TNS2: variants seen among roughly 807,000 people sequenced by gnomAD.
TNS2 encodes tensin-2.
TNS2 carries 77 observed loss-of-function variants against 155.7 expected under a neutral mutation model. That is an observed-to-expected ratio of 0.49 (90% confidence interval 0.41 to 0.60). The LOEUF is 0.60. TNS2 is among the 20% of genes least tolerant of loss of function. The pLI is 0.00. For synonymous variants in TNS2, 726 were observed against 763.9 expected (o/e 0.95, Z 0.82); for missense variants, 1,703 against 1,868.8 (o/e 0.91, Z 1.64).
rs138423123 is a variant in TNS2, at chr12:53,060,138, C to T, written c.2497C>T (p.Pro833Ser). ...AHSPRAGSIS[P>S]GSPPYPQSRK... ...CTCCCCACGGGCTGGCTCCATTTCCCCGGGCAGCCCGCCCTATCCACAATC... is the reference window on the plus strand; with the variant it reads ...CTCCCCACGGGCTGGCTCCATTTCCTCGGGCAGCCCGCCCTATCCACAATC... Residue 833 changes from proline (P) to serine (S), a missense_variant, in exon 18 of 29, where the codon CCG becomes TCG. Transcript: ENST00000314250. The surrounding 1 kb of genome is among the most constrained non-coding windows in gnomAD (Gnocchi z 6.1). The T allele has an allele frequency of 1.7e-4, 281 of 1,610,252 alleles. No homozygotes were observed. In the African/African-American group the frequency reaches 3.3e-3, roughly 19 times the overall value.
At chr12:53,055,517 T>C in intron 8 of TNS2, 51 bp from the exon 9 acceptor site, 1 of 1,554,770 alleles carries the variant, frequency 6.4e-7, no homozygotes, top group Non-Finnish European at 8.7e-7. Context: ...CCTGCCCATC[T>C]CTCTCTGTTG....
intron 10 of TNS2, 128 bp downstream of exon 10, chr12:53,055,973 A>C: frequency 4.2e-6 from 4 of 941,642 alleles, no homozygotes; most frequent in Non-Finnish European, 6.4e-6. Flanking sequence ...TAGCACTTCC[A>C]CCTCCCTTTT....
Position 53,055,675 on chromosome 12 carries a change from C to A in TNS2, c.681C>A (p.Val227=), listed in dbSNP as rs377288328. 2.5e-6 allele frequency: 4 copies of A among 1,613,996 alleles called. No homozygotes were observed. The highest frequency in any genetic ancestry group is 2.7e-5 in the African/African-American group (2 of 74,928). The stretch of plus-strand genomic sequence containing the variant: ...TCAGTGCTGACCCACAGCACGTGGT[C>A]GTACTATACTGCAAGGTGGGCCAGG... ...TWLSADPQHV[V]VLYCKGNKGK... The change falls in exon 9 of 29, where the codon GTC becomes GTA. Residue 227 remains valine, a synonymous_variant. Transcript: ENST00000314250.
Position 53,057,109 on chromosome 12 carries a change from G to A in TNS2, c.845+13G>A. ...CCTCCCAGCGTCGGTGAGCAGCCTG[G>A]GTGGGGATGGGCCAGAGGAGCAGCT... On this transcript the variant is annotated intron_variant, in intron 11 of 28. Coordinates refer to ENST00000314250, the MANE Select transcript of TNS2 (RefSeq NM_170754.4). 1 of 1,608,186 alleles carries A rather than the reference G, an allele frequency of 6.2e-7. No individual in the cohort carries two copies. Among genetic ancestry groups the A allele is most frequent in the Non-Finnish European group, 8.5e-7 (1 of 1,177,552 alleles).
rs373679194 is a variant in TNS2, at chr12:53,058,665, T to G, written c.1291+28T>G. ...AAGAGCAGGGACATGGGCTGGGGAC[T>G]GAGGGCCGCCTCTCCCCTGCTCCCC... On this transcript the variant is annotated intron_variant, in intron 16 of 28. Transcript: ENST00000314250. 35 of 1,613,890 alleles carry G rather than the reference T, an allele frequency of 2.2e-5. No individual in the cohort carries two copies. In the East Asian group the frequency reaches 3.1e-4, roughly 14 times the overall value.
rs202013586 is a variant in TNS2 at position 53,053,773 on chromosome 12, G to T, written c.262-1G>T. ...CCTTTTCCTCCCCCATCTCCCTCTA[G>T]CGGCGAAACACGGCCCCAGTCAGGC... is the stretch of plus-strand genomic sequence containing the variant. On this transcript the variant is annotated splice_acceptor_variant, in intron 4 of 28. Transcript: ENST00000314250. LOFTEE classifies it high-confidence loss of function. 71 of 1,611,462 alleles carry T rather than the reference G, an allele frequency of 4.4e-5. No individual in the cohort carries two copies. The highest frequency in any genetic ancestry group is 5.8e-5 in the Non-Finnish European group (68 of 1,179,196).
At chr12:53,061,962 G>A (rs761258945) in intron 22 of TNS2, 22 bp downstream of exon 22, 1 of 1,609,594 alleles carries the variant, frequency 6.2e-7, no homozygotes, top group Non-Finnish European at 8.5e-7. Flanking sequence ...CCAAACCTGA[G>A]TGGGGTGGGG....
At chr12:53,058,495 TGGCAGGCAGGTGGCA>T in intron 15 of TNS2, 50 bp downstream of exon 15, 1 of 1,603,464 alleles carries the variant, frequency 6.2e-7, no homozygotes, top group Non-Finnish European at 8.5e-7. Flanking sequence ...GGCAGGCAGG[TGGCAGGCAGGTGGCA>T]GGCAGGCAGG....
chr12:53,052,611 G>A (rs1220062805), intron 3 of TNS2, 119 bp downstream of exon 3: 1 of 1,392,408 alleles, frequency 7.2e-7, no homozygotes, highest in East Asian at 2.3e-5. Context: ...CACCACTGGG[G>A]AACCCCTCCT....
chr12:53,059,223 C>G lies in TNS2; in HGVS notation c.1582C>G (p.Pro528Ala), dbSNP rs200403162. 379 of 1,554,168 alleles carry G rather than the reference C, an allele frequency of 2.4e-4. 1 individual carries two copies. The highest frequency in any genetic ancestry group is 3.2e-4 in the Non-Finnish European group (367 of 1,159,058). ...GACCACAGAGCCGGCTGCTGAGTCC[C>G]CTGGCCGGCCGCCCCCTACAGCTGC... The part of the protein sequence containing the change: ...TLTTEPAAES[P>A]GRPPPTAAER... The change falls in exon 18 of 29, where the codon CCT becomes GCT. Residue 528 changes from proline to alanine, a missense_variant. Coordinates refer to ENST00000314250, the MANE Select transcript of TNS2 (RefSeq NM_170754.4). This position sits in a 1 kb window ranked among gnomAD's most constrained non-coding sequence, Gnocchi z 4.7.
upstream of TNS2, among the ~76,000 whole-genome samples, chr12:53,049,494 T>G (rs11170385): frequency 0.42 from 63,262 of 152,026 alleles, 16,555 homozygotes; most frequent in Non-Finnish European, 0.6. Flanking sequence ...AAAGCAGTCT[T>G]GTGGCTGGAA....
chr12:53,052,029 C>G, intron 2 of TNS2, 66 bp downstream of exon 2: 6 of 1,305,438 alleles, frequency 4.6e-6, no homozygotes, highest in Non-Finnish European at 6.5e-6. Flanking sequence ...ACAACTCCAG[C>G]AGGCCAGCTC....
At position 53,063,089 on chromosome 12, in the gene TNS2, C is replaced by G. The variant is rs112105969; in HGVS notation, c.3824C>G (p.Ala1275Gly). The part of the protein sequence containing the change: ...TAADLLRQGA[A>G]CSVLYLTSVE... The stretch of plus-strand genomic sequence containing the variant: ...CCTGACCCACTCCCTGCCCCTGTAG[C>G]CTGCAGCGTGCTCTACTTGACCTCA... The change falls in exon 26 of 29, where the codon GCC becomes GGC. Residue 1275 changes from alanine to glycine, a missense_variant and splice_region_variant. Physicochemically the swap from Ala to Gly is moderately conservative, Grantham distance 60. Transcript: ENST00000314250. This position sits in a 1 kb window ranked among gnomAD's most constrained non-coding sequence, Gnocchi z 5.6. 1 of 1,536,256 alleles carries G rather than the reference C, an allele frequency of 6.5e-7. No homozygotes were observed. The highest frequency in any genetic ancestry group is 1.4e-5 in the African/African-American group (1 of 72,480).
intron 25 of TNS2, 101 bp from the exon 26 acceptor site, chr12:53,062,988 T>C (rs945415438): frequency 7.7e-6 from 11 of 1,421,396 alleles, no homozygotes; most frequent in African/African-American, 5.7e-5. Context: ...ACCTATGTGA[T>C]TGTAAAGCAT....
Position 53,063,410 on chromosome 12 carries a change from G to A in TNS2, c.4054G>A (p.Asp1352Asn), listed in dbSNP as rs755479708. 3 of 1,613,930 alleles carry A rather than the reference G, an allele frequency of 1.9e-6. No individual in the cohort carries two copies. Among genetic ancestry groups the A allele is most frequent in the Non-Finnish European group, 1.7e-6 (2 of 1,179,988 alleles). Residue 1352 changes from aspartate to asparagine, a missense_variant, in exon 27 of 29, where the codon GAC becomes AAC. By Grantham distance (23) the Asp-to-Asn change is conservative. Transcript: ENST00000314250. The surrounding 1 kb of genome is among the most constrained non-coding windows in gnomAD (Gnocchi z 5.6). ...SITFSSTDPQ[D>N]RRWTNPDGTT... ...CACCTTCTCCAGCACTGACCCTCAA[G>A]ACCGGAGGTGACTCTCCCTCCAAAC...
intron 22 of TNS2, 45 bp downstream of exon 22, chr12:53,061,985 G>A (rs369225185): frequency 1.2e-4 from 186 of 1,609,092 alleles, no homozygotes; most frequent in Non-Finnish European, 1.4e-4. Flanking sequence ...GAAGTTGGGG[G>A]TGGTGCCAGA....
chr12:53,049,172 G>C (rs12369033), upstream of TNS2: 1,027,187 of 1,581,972 alleles, frequency 0.65, 351,234 homozygotes, highest in Non-Finnish European at 0.71. Context: ...TGTGTTGGGA[G>C]GGGGGACCTC....
rs1295503550 is a variant in TNS2 at position 53,062,154 on chromosome 12, G to A, written c.3576G>A (p.Gly1192=). 11 of 1,613,966 alleles carry A rather than the reference G, an allele frequency of 6.8e-6. No homozygotes were observed. Among genetic ancestry groups the A allele is most frequent in the Non-Finnish European group, 7.6e-6 (9 of 1,179,948 alleles). ...AATCTTCCCCTCGCCTCCTCTCAGG[G>A]GACCCCGTGGAACAGCTGGTCCGCC... ...TPPPSAQPWK[G]DPVEQLVRHF... Residue 1192 remains glycine (G), a splice_region_variant and synonymous_variant, in exon 23 of 29, where the codon GGG becomes GGA. Transcript: ENST00000314250.
Position 53,061,424 on chromosome 12 carries a change from G to C in TNS2, c.3403G>C (p.Asp1135His), listed in dbSNP as rs555399731. 6.2e-5 allele frequency: 100 copies of C among 1,613,920 alleles called. 1 individual carries two copies. In the South Asian group the frequency reaches 1.1e-3, roughly 17 times the overall value. ...ESQSNVKFVQDTSKFWYKPHL... is the reference protein window; with the variant it reads ...ESQSNVKFVQHTSKFWYKPHL... The stretch of plus-strand genomic sequence containing the variant: ...CCAAAGCAATGTCAAGTTTGTCCAG[G>C]ATACATCCAAGTTCTGGTACAAGCC... Residue 1135 changes from aspartate (D) to histidine (H), a missense_variant, in exon 21 of 29, where the codon GAT becomes CAT. Asp to His is a moderately conservative substitution (Grantham distance 81, BLOSUM62 -1). Coordinates refer to ENST00000314250, the MANE Select transcript of TNS2 (RefSeq NM_170754.4).
Sources: gnomAD v4.1 joint callset for allele counts (sites outside exome capture counted in the v4.1 genomes callset) on GRCh38, gnomAD v4.1.1 for gene constraint, Gnocchi (gnomAD v3.1) non-coding constraint, MANE v1.5 for transcripts, NCBI Gene and HGNC (gene_info 2026-07-23, HGNC 2026-07-21) for gene names.